Variants in ZNF578 observed in about 807,000 individuals in gnomAD.
ZNF578 encodes the protein zinc finger protein 578, also known as Putative chemokine-related protein B42.
In ZNF578, 8 loss-of-function variants were observed where a neutral mutation model predicts 8.3. That is an observed-to-expected ratio of 0.96 (90% CI 0.56 to 1.74). The LOEUF (loss-of-function observed/expected upper bound fraction) is 1.74, where lower values mean the gene tolerates loss of function less well. Ranked by LOEUF, ZNF578 falls within the 40% of genes most tolerant of loss-of-function variation. ZNF578 has a pLI of 0.00. For synonymous variants in ZNF578, 206 were observed against 232.2 expected, an observed-to-expected ratio of 0.89 and a Z score of 1.03; for missense variants, 726 against 707.5, an observed-to-expected ratio of 1.03 and a Z score of -0.30.
At chr19:52,485,475 T>C (rs984050936) in intron 2 of ZNF578, among the ~76,000 whole-genome samples, 12 of 152,228 alleles carry the variant, frequency 7.9e-5, no homozygotes, top group African/African-American at 2.7e-4. Flanking sequence ...ATCGAAGCTC[T>C]GTGTCCTCCA....
intron 2 of ZNF578, among the ~76,000 whole-genome samples, chr19:52,488,293 A>G (rs1052375273): frequency 2.6e-5 from 4 of 151,734 alleles, no homozygotes; most frequent in East Asian, 4.0e-4. Context: ...GGTGGCTCAC[A>G]CCTGTAATCC....
intron 4 of ZNF578, among the ~76,000 whole-genome samples, chr19:52,502,626 A>C (rs928256314): frequency 9.9e-5 from 15 of 152,184 alleles, no homozygotes; most frequent in African/African-American, 3.6e-4. Flanking sequence ...AATCTCAGCT[A>C]CTTAGGAGAC....
intron 3 of ZNF578, among the ~76,000 whole-genome samples, chr19:52,501,600 C>T (rs775981310): frequency 4.6e-5 from 7 of 151,564 alleles, no homozygotes; most frequent in Non-Finnish European, 8.8e-5. Flanking sequence ...ACTGCTGCCT[C>T]GTGTGTGGTG....
chr19:52,506,462 CTTT>C (rs35676968), intron 5 of ZNF578, among the ~76,000 whole-genome samples: 4 of 109,148 alleles, frequency 3.7e-5, no homozygotes, highest in Non-Finnish European at 7.2e-5. Context: ...AGTACAGTTT[CTTT>C]TTTTTTTTTT....
intron 2 of ZNF578, among the ~76,000 whole-genome samples, chr19:52,483,877 T>C (rs1047806797): frequency 2.0e-5 from 3 of 152,094 alleles, no homozygotes; most frequent in African/African-American, 7.2e-5. Context: ...TCCACACTTG[T>C]GGGCGTTTCT....
chr19:52,478,778 A>G (rs2059315910), intron 2 of ZNF578, among the ~76,000 whole-genome samples: 1 of 151,936 alleles, frequency 6.6e-6, no homozygotes, highest in African/African-American at 2.4e-5. Context: ...CAGTGGCATG[A>G]TCTCAGCTCA....
At chr19:52,492,083 G>T (rs1272738146) in intron 3 of ZNF578, among the ~76,000 whole-genome samples, 1 of 144,782 alleles carries the variant, frequency 6.9e-6, no homozygotes. Flanking sequence ...GCGTGAACCC[G>T]GAAGTTGGAG....
chr19:52,459,622 C>G (rs2059249873), intron 2 of ZNF578, among the ~76,000 whole-genome samples: 1 of 121,692 alleles, frequency 8.2e-6, no homozygotes, highest in Non-Finnish European at 1.6e-5. Context: ...TACACACACA[C>G]ACACACACAC....
Position 52,515,578 on chromosome 19 carries a change from C to A in ZNF578, c.*3424C>A, listed in dbSNP as rs1289105139. Among the ~76,000 whole-genome samples, 2 of 152,110 alleles carry A rather than the reference C, an allele frequency of 1.3e-5. No homozygotes were observed. On this transcript the variant is annotated 3_prime_UTR_variant, in exon 6 of 6. Coordinates refer to ENST00000421239, the MANE Select transcript of ZNF578 (RefSeq NM_001099694.2). ...AGACACCTTCTCACTCATCTCAGAC[C>A]TTCTCAGGGTAACTTGGTGAAAATG...
chr19:52,507,195 C>G (rs1160265297), intron 5 of ZNF578, among the ~76,000 whole-genome samples: 1 of 152,150 alleles, frequency 6.6e-6, no homozygotes, highest in Non-Finnish European at 1.5e-5. Flanking sequence ...CGAGACCAGC[C>G]TGGCCAACAT....
intron 2 of ZNF578, among the ~76,000 whole-genome samples, chr19:52,459,769 A>ATATATTTTT (rs1555751349): frequency 0.16 from 2,819 of 17,620 alleles, 982 homozygotes; most frequent in Non-Finnish European, 0.23. Context: ...ATATATATAT[A>ATATATTTTT]TTTTTTTTTT....
intron 2 of ZNF578, among the ~76,000 whole-genome samples, chr19:52,463,815 T>C (rs1388703723): frequency 6.6e-6 from 1 of 152,178 alleles, no homozygotes; most frequent in Non-Finnish European, 1.5e-5. Context: ...GTCCCACATA[T>C]GCCATTTTCC....
intron 4 of ZNF578, 74 bp from the exon 5 acceptor site, chr19:52,504,581 T>C (rs541033921): frequency 6.2e-7 from 1 of 1,601,278 alleles, no homozygotes; most frequent in South Asian, 1.1e-5. Context: ...ACTTATTTTC[T>C]CTTTTCTCAT....
In ZNF578 at chr19:52,479,610, A is replaced by G. The variant is rs116988889; in HGVS notation, c.-121-11714A>G. Among the ~76,000 whole-genome samples the G allele has an allele frequency of 6.9e-3, 1,049 of 152,038 alleles. 7 individuals carry two copies. The highest frequency in any genetic ancestry group is 0.045 in the Middle Eastern group (13 of 290). Reference sequence around the variant, plus strand: ...CCAGTACTTTTTTGAAGCACTGACCATAGAGATTCCATTATGGTTTTGACA... The same window carrying G: ...CCAGTACTTTTTTGAAGCACTGACCGTAGAGATTCCATTATGGTTTTGACA... On this transcript the variant is annotated intron_variant, in intron 2 of 5. Transcript: ENST00000421239.
chr19:52,479,258 G>A (rs892437639), intron 2 of ZNF578, among the ~76,000 whole-genome samples: 15 of 151,910 alleles, frequency 9.9e-5, no homozygotes, highest in Non-Finnish European at 2.1e-4. Flanking sequence ...TCCCAAGGCC[G>A]GGCGCAGTGG....
chr19:52,489,228 CAG>C (rs2059356639), intron 2 of ZNF578, among the ~76,000 whole-genome samples: 1 of 152,132 alleles, frequency 6.6e-6, no homozygotes, highest in African/African-American at 2.4e-5. Flanking sequence ...GCCTGAGTGA[CAG>C]AGCATGACTT....
chr19:52,506,246 A>G (rs1464368005), intron 5 of ZNF578, among the ~76,000 whole-genome samples: 1 of 152,086 alleles, frequency 6.6e-6, no homozygotes, highest in African/African-American at 2.4e-5. Context: ...TTTTATGTGT[A>G]TACCACATTT....
Position 52,513,729 on chromosome 19 carries a change from CA to C in ZNF578, c.*1592del, listed in dbSNP as rs66998990. ...TGGGCGACAGAGTGAGAGTCTGTCT[CA>C]AAAAAAAAAAAAAAAAGATATCAAA... On this transcript the variant is annotated 3_prime_UTR_variant, in exon 6 of 6. Transcript: ENST00000421239. Among the ~76,000 whole-genome samples the C allele has an allele frequency of 7.0e-4, 86 of 123,314 alleles. No homozygotes were observed. Among genetic ancestry groups the C allele is most frequent in the African/African-American group, 9.4e-4 (30 of 32,076 alleles). 80.9% of individuals were successfully genotyped at this position (123,314 alleles called of 152,430 possible).
At position 52,456,889 on chromosome 19, in the gene ZNF578, T is replaced by G. The variant is rs991099304; in HGVS notation, c.-191T>G. On this transcript the variant is annotated 5_prime_UTR_variant, in exon 2 of 6. Transcript: ENST00000421239. ...TCAGGATTAGCTTCTAAAGTCTCTT[T>G]CATCTCTCCTAAGGAAGAAGCCTAG... is the stretch of plus-strand genomic sequence containing the variant. 3 of 153,092 alleles carry G rather than the reference T, an allele frequency of 2.0e-5. No individual in the cohort carries two copies. Among genetic ancestry groups the G allele is most frequent in the Admixed American group, 6.5e-5 (1 of 15,276 alleles). 9.5% of individuals were successfully genotyped at this position (153,092 alleles called of 1,614,324 possible). A position where few individuals can be genotyped will look rare whatever the true frequency, so the allele number is the denominator to read the frequency against.
Sources: gnomAD v4.1 joint callset for allele counts (sites outside exome capture counted in the v4.1 genomes callset) on GRCh38, gnomAD v4.1.1 for gene constraint, MANE v1.5 for transcripts, NCBI Gene and HGNC (gene_info 2026-07-23, HGNC 2026-07-21) for gene names.